ZFAND3: variants seen among roughly 807,000 people sequenced by gnomAD.
ZFAND3 encodes zinc finger AN1-type containing 3, also known as AN1-type zinc finger protein 3.
ZFAND3 carries 10 observed loss-of-function variants against 29.6 expected under a neutral mutation model. The observed-to-expected ratio is 0.34, with a 90% confidence interval of 0.21 to 0.57. The LOEUF (loss-of-function observed/expected upper bound fraction) is 0.57. Among genes scored for constraint, ZFAND3 ranks in the 20% least tolerant of loss-of-function variants. The pLI is 0.86. For synonymous variants in ZFAND3, 128 were observed against 112.6 expected, an observed-to-expected ratio of 1.14 and a Z score of -0.87; for missense variants, 230 against 304.5, an observed-to-expected ratio of 0.76 and a Z score of 1.82.
At chr6:38,081,461 T>G (rs1389753936) in intron 3 of ZFAND3, among the ~76,000 whole-genome samples, 3 of 152,090 alleles carry the variant, frequency 2.0e-5, no homozygotes, top group Non-Finnish European at 4.4e-5. Context: ...TCCTTTTCAG[T>G]GAGTAAATTA....
chr6:38,028,123 C>G (rs1436087177), intron 2 of ZFAND3, among the ~76,000 whole-genome samples: 4 of 152,166 alleles, frequency 2.6e-5, no homozygotes, highest in Non-Finnish European at 4.4e-5. Context: ...AGCCAGTATC[C>G]TAGAATGACA....
At chr6:38,090,904 A>T (rs2127473927) in intron 4 of ZFAND3, among the ~76,000 whole-genome samples, 1 of 152,356 alleles carries the variant, frequency 6.6e-6, no homozygotes, top group East Asian at 1.9e-4. Context: ...TTGGAGCCCT[A>T]AATGAGAGTT....
At chr6:37,821,112 A>G (rs1372733452) in intron 1 of ZFAND3, among the ~76,000 whole-genome samples, 2 of 152,248 alleles carry the variant, frequency 1.3e-5, no homozygotes, top group Non-Finnish European at 2.9e-5. Context: ...CATCTTGGGA[A>G]GAAGTATGGA....
At chr6:37,944,436 A>T (rs1169133574) in intron 2 of ZFAND3, among the ~76,000 whole-genome samples, 1 of 152,188 alleles carries the variant, frequency 6.6e-6, no homozygotes, top group Admixed American at 6.5e-5. Flanking sequence ...TGGGTTTATA[A>T]AATATCACAG....
At position 37,819,845 on chromosome 6, in the gene ZFAND3, CCCG is replaced by C. The variant is rs1763624435; in HGVS notation, c.-100_-98del. On this transcript the variant is annotated 5_prime_UTR_variant, in exon 1 of 6. Transcript: ENST00000287218. ...GCCCGCTCCTTCCCCCTCCCCCCGC[CCCG>C]AGCCCCCCGACGCCGCCGCCACCGC... 2 of 789,274 alleles carry C rather than the reference CCCG, an allele frequency of 2.5e-6. No individual in the cohort carries two copies. The highest frequency in any genetic ancestry group is 1.9e-5 in the African/African-American group (1 of 53,866). The allele number at this position is 789,274 out of a possible 1,614,324, so 48.9% of individuals were successfully genotyped here. A position where few individuals can be genotyped will look rare whatever the true frequency, so the allele number is the denominator to read the frequency against.
At chr6:38,011,824 A>G (rs889147388) in intron 2 of ZFAND3, among the ~76,000 whole-genome samples, 1 of 152,206 alleles carries the variant, frequency 6.6e-6, no homozygotes, top group African/African-American at 2.4e-5. Flanking sequence ...CACCTGATCA[A>G]TTAAGAGGAT....
intron 1 of ZFAND3, among the ~76,000 whole-genome samples, chr6:37,870,674 G>A (rs1284361433): frequency 6.7e-6 from 1 of 150,078 alleles, no homozygotes; most frequent in Non-Finnish European, 1.5e-5. Flanking sequence ...TTTTAACTAA[G>A]AAATTAGTAA....
intron 2 of ZFAND3, among the ~76,000 whole-genome samples, chr6:38,016,193 G>C (rs549268837): frequency 6.6e-6 from 1 of 152,156 alleles, no homozygotes; most frequent in Non-Finnish European, 1.5e-5. Flanking sequence ...TTGGGCTTTA[G>C]TGTGCACATC....
chr6:38,012,770 G>A lies in ZFAND3; in HGVS notation c.113-48823G>A, dbSNP rs1348243950. ...AAGGCCTTTGAGAAAGTAGGGGAGGGTGATGGATGCATCAGCCTCGGCCAC... is the reference window on the plus strand; with the variant it reads ...AAGGCCTTTGAGAAAGTAGGGGAGGATGATGGATGCATCAGCCTCGGCCAC... On this transcript the variant is annotated intron_variant, in intron 2 of 5. Coordinates refer to ENST00000287218, the MANE Select transcript of ZFAND3 (RefSeq NM_021943.3). Among the ~76,000 whole-genome samples the A allele has an allele frequency of 2.0e-5, 3 of 152,196 alleles. No homozygotes were observed. In the East Asian group the frequency reaches 5.8e-4, roughly 29 times the overall value.
intron 4 of ZFAND3, among the ~76,000 whole-genome samples, chr6:38,106,904 G>T (rs751830131): frequency 6.6e-6 from 1 of 152,162 alleles, no homozygotes; most frequent in Non-Finnish European, 1.5e-5. Flanking sequence ...AAATTAAACA[G>T]ATCAAATAAA....
chr6:38,064,753 T>C (rs920680610), intron 3 of ZFAND3, among the ~76,000 whole-genome samples: 7 of 151,952 alleles, frequency 4.6e-5, no homozygotes, highest in Admixed American at 1.3e-4. Flanking sequence ...TTCTCTCTCT[T>C]CTTGGTGACA....
At chr6:37,928,675 C>G (rs1227359038) in intron 1 of ZFAND3, among the ~76,000 whole-genome samples, 2 of 152,058 alleles carry the variant, frequency 1.3e-5, no homozygotes, top group Non-Finnish European at 2.9e-5. Flanking sequence ...CCACCTCTCC[C>G]AGCTAATTTT....
intron 2 of ZFAND3, among the ~76,000 whole-genome samples, chr6:37,997,097 C>G (rs760162956): frequency 2.0e-5 from 3 of 152,106 alleles, no homozygotes; most frequent in African/African-American, 4.8e-5. Context: ...AGTAAATTTG[C>G]AGAATAAAAT....
At chr6:37,885,381 C>T (rs1255185323) in intron 1 of ZFAND3, among the ~76,000 whole-genome samples, 3 of 152,154 alleles carry the variant, frequency 2.0e-5, no homozygotes, top group African/African-American at 7.2e-5. Flanking sequence ...CGGTGGCTCA[C>T]GTCTGTAATC....
rs191429214 is a variant in ZFAND3, at chr6:37,883,168, A to G, written c.72-46791A>G. The stretch of plus-strand genomic sequence containing the variant: ...AGCCCAGGAGTTTGAGGTTGCAGTG[A>G]ACTATGATCACGCCACTGCTCTACA... On this transcript the variant is annotated intron_variant, in intron 1 of 5. Coordinates refer to ENST00000287218, the MANE Select transcript of ZFAND3 (RefSeq NM_021943.3). Among the ~76,000 whole-genome samples the G allele has an allele frequency of 1.2e-3, 185 of 152,330 alleles. 1 individual carries two copies. The highest frequency in any genetic ancestry group is 2.8e-3 in the Admixed American group (43 of 15,304).
chr6:37,839,807 C>T (rs949137316), intron 1 of ZFAND3, among the ~76,000 whole-genome samples: 1 of 152,152 alleles, frequency 6.6e-6, no homozygotes, highest in African/African-American at 2.4e-5. Flanking sequence ...GCCACCGCAC[C>T]CGGCCATAAG....
intron 1 of ZFAND3, among the ~76,000 whole-genome samples, chr6:37,854,964 G>GTTTTTTTTTTTTTT (rs34283914): frequency 2.5e-5 from 2 of 78,938 alleles, no homozygotes; most frequent in African/African-American, 4.5e-5. Context: ...AATAATAGGT[G>GTTTTTTTTTTTTTT]TTTTTTTTTT....
At chr6:37,982,983 AAAAC>A (rs1762605099) in intron 2 of ZFAND3, among the ~76,000 whole-genome samples, 1 of 152,240 alleles carries the variant, frequency 6.6e-6, no homozygotes, top group Non-Finnish European at 1.5e-5. Context: ...TTTAAAAAGT[AAAAC>A]AAAAAATAAA....
At chr6:37,953,336 T>TA (rs1237903065) in intron 2 of ZFAND3, among the ~76,000 whole-genome samples, 1 of 152,110 alleles carries the variant, frequency 6.6e-6, no homozygotes, top group East Asian at 1.9e-4. Flanking sequence ...CAAGTGATAT[T>TA]CTATTACTTT....
Sources: allele counts gnomAD v4.1 joint callset (sites outside exome capture counted in the v4.1 genomes callset), GRCh38; gene constraint gnomAD v4.1.1; transcripts MANE v1.5; gene names NCBI Gene and HGNC (gene_info 2026-07-23, HGNC 2026-07-21).